The following RBFOX1 variants were observed in gnomAD, a reference collection of about 807,000 sequenced individuals.
RBFOX1 encodes RNA binding fox-1 homolog 1, also known as RNA binding protein fox-1 homolog 1.
RBFOX1 carries 8 observed loss-of-function variants against 57.7 expected under a neutral mutation model. The observed-to-expected ratio is 0.14, with a 90% CI of 0.08 to 0.25. The LOEUF (loss-of-function observed/expected upper bound fraction) is 0.25, where lower values mean the gene tolerates loss of function less well. RBFOX1 is among the 10% of genes least tolerant of loss of function. The pLI, the probability that RBFOX1 is intolerant of heterozygous loss-of-function variation, is 1.00. For missense variants in RBFOX1, 611 were observed against 548.5 expected, an observed-to-expected ratio of 1.11 and a Z score of -1.14; for synonymous variants, 326 against 222.4, an observed-to-expected ratio of 1.47 and a Z score of -4.15.
At chr16:7,339,891 C>G (rs1471550019) in intron 4 of RBFOX1, among the ~76,000 whole-genome samples, 1 of 152,224 alleles carries the variant, frequency 6.6e-6, no homozygotes. Flanking sequence ...CTCCACCTCT[C>G]CACAGTGGTT....
intron 6 of RBFOX1, among the ~76,000 whole-genome samples, chr16:7,582,738 T>C (rs2093871306): frequency 6.6e-6 from 1 of 152,232 alleles, no homozygotes; most frequent in Admixed American, 6.5e-5. Flanking sequence ...CTCTATCCTG[T>C]CTTTGTCTTC....
intron 4 of RBFOX1, among the ~76,000 whole-genome samples, chr16:7,384,175 A>T (rs2097838760): frequency 6.6e-6 from 1 of 151,920 alleles, no homozygotes; most frequent in Non-Finnish European, 1.5e-5. Context: ...TGCTTTTCAT[A>T]TATATATGAA....
intron 2 of RBFOX1, among the ~76,000 whole-genome samples, chr16:6,597,636 T>G (rs529524098): frequency 3.3e-5 from 5 of 152,164 alleles, no homozygotes; most frequent in East Asian, 3.9e-4. Context: ...ATAGCACCAT[T>G]GCACTCCAGC....
At chr16:6,215,539 G>T (rs559266226) in intron 1 of RBFOX1, among the ~76,000 whole-genome samples, 1 of 152,088 alleles carries the variant, frequency 6.6e-6, no homozygotes, top group Non-Finnish European at 1.5e-5. Context: ...TCCCATGAAC[G>T]CTCCCCCAAA....
intron 2 of RBFOX1, among the ~76,000 whole-genome samples, chr16:6,496,553 C>T: frequency 6.6e-6 from 1 of 152,262 alleles, no homozygotes; most frequent in East Asian, 1.9e-4. Flanking sequence ...CACAGTTATC[C>T]AAAGCTGTTG....
chr16:7,270,074 C>G lies in RBFOX1; in HGVS notation c.27+217976C>G, dbSNP rs4258633. On this transcript the variant is annotated intron_variant, in intron 4 of 15. Transcript: ENST00000550418. The stretch of plus-strand genomic sequence containing the variant: ...TGTGAAATACTGTGGAAAGTAGATA[C>G]TACTGTCCTCATTTTACAAATTGAG... Among the ~76,000 whole-genome samples, 11 of 152,282 alleles carry G rather than the reference C, an allele frequency of 7.2e-5. No individual in the cohort carries two copies. In the East Asian group the frequency reaches 2.1e-3, roughly 29 times the overall value.
At chr16:7,398,645 G>C (rs1288838813) in intron 4 of RBFOX1, among the ~76,000 whole-genome samples, 3 of 152,208 alleles carry the variant, frequency 2.0e-5, no homozygotes, top group African/African-American at 7.2e-5. Context: ...GAGACTGCCA[G>C]AGAGGCAATT....
chr16:6,058,702 C>T (rs2095645660), intron 1 of RBFOX1, among the ~76,000 whole-genome samples: 1 of 147,640 alleles, frequency 6.8e-6, no homozygotes, highest in Non-Finnish European at 1.5e-5. Context: ...CTCATCCATA[C>T]ATTCACCCAC....
chr16:5,530,961 A>C (rs991334709), intron 2 of RBFOX1, among the ~76,000 whole-genome samples: 4 of 110,532 alleles, frequency 3.6e-5, no homozygotes, highest in African/African-American at 1.3e-4. Flanking sequence ...AAAAAAAAAA[A>C]AAAAAAAAAA....
At chr16:7,358,568 C>G (rs569404320) in intron 4 of RBFOX1, among the ~76,000 whole-genome samples, 7 of 152,116 alleles carry the variant, frequency 4.6e-5, no homozygotes, top group Non-Finnish European at 1.0e-4. Context: ...TTACAGGAGT[C>G]TGCCATCATG....
intron 1 of RBFOX1, among the ~76,000 whole-genome samples, chr16:5,276,140 C>A (rs2063135374): frequency 6.6e-6 from 1 of 152,056 alleles, no homozygotes; most frequent in Non-Finnish European, 1.5e-5. Context: ...AGTTCATAAC[C>A]AAGAACCCAA....
At chr16:5,697,196 A>C (rs2050870857) in intron 3 of RBFOX1, among the ~76,000 whole-genome samples, 1 of 152,154 alleles carries the variant, frequency 6.6e-6, no homozygotes, top group Non-Finnish European at 1.5e-5. Flanking sequence ...GCTAAACTCT[A>C]ATAATCCTAA....
chr16:6,272,805 G>A (rs1460705121), intron 1 of RBFOX1, among the ~76,000 whole-genome samples: 2 of 152,070 alleles, frequency 1.3e-5, no homozygotes, highest in Non-Finnish European at 2.9e-5. Context: ...ACTGATTTTT[G>A]ACAAAGGTGA....
intron 3 of RBFOX1, among the ~76,000 whole-genome samples, chr16:6,919,803 A>G (rs1042353240): frequency 1.6e-5 from 2 of 125,562 alleles, no homozygotes; most frequent in East Asian, 2.3e-4. Context: ...TATTATTTCA[A>G]TAGTTCTGGG....
intron 4 of RBFOX1, among the ~76,000 whole-genome samples, chr16:7,120,522 T>G (rs2066878204): frequency 6.6e-6 from 1 of 151,836 alleles, no homozygotes; most frequent in Non-Finnish European, 1.5e-5. Context: ...GCACATGTAG[T>G]CAACAACTTA....
At chr16:7,292,121 AT>A (rs2095793199) in intron 4 of RBFOX1, among the ~76,000 whole-genome samples, 1 of 77,450 alleles carries the variant, frequency 1.3e-5, no homozygotes, top group African/African-American at 4.9e-5. Context: ...TGTATAATAT[AT>A]AATATATAAT....
chr16:7,090,888 C>A (rs199554872), intron 4 of RBFOX1, among the ~76,000 whole-genome samples: 38 of 84,736 alleles, frequency 4.5e-4, no homozygotes, highest in Non-Finnish European at 1.6e-4. Context: ...ACCAGCACAA[C>A]CTCCCTTGAC....
At chr16:6,344,398 C>CTTTTTTTTTTTTTTTTTT (rs1176288797) in intron 2 of RBFOX1, among the ~76,000 whole-genome samples, 1 of 71,962 alleles carries the variant, frequency 1.4e-5, no homozygotes, top group African/African-American at 1.1e-4. Context: ...CTTCTTTTTT[C>CTTTTTTTTTTTTTTTTTT]TTTTTTTTCT....
At chr16:6,851,638 G>C (rs1396846312) in intron 3 of RBFOX1, among the ~76,000 whole-genome samples, 1 of 152,140 alleles carries the variant, frequency 6.6e-6, no homozygotes, top group Non-Finnish European at 1.5e-5. Flanking sequence ...CAAGCCTCCT[G>C]TTGTCAGGGA....
Sources: allele counts gnomAD v4.1 joint callset (sites outside exome capture counted in the v4.1 genomes callset), GRCh38; gene constraint gnomAD v4.1.1; transcripts MANE v1.5; gene names NCBI Gene and HGNC (gene_info 2026-07-23, HGNC 2026-07-21).